The following INSYN2A variants were observed in gnomAD, a reference collection of about 807,000 sequenced individuals.
INSYN2A encodes inhibitory synaptic factor 2A, also known as family with sequence similarity 196 member A.
INSYN2A carries 17 observed loss-of-function variants against 39.4 expected under a neutral mutation model. The observed-to-expected ratio is 0.43, with a 90% CI of 0.30 to 0.65. INSYN2A has a LOEUF of 0.65. INSYN2A is among the 30% of genes least tolerant of loss of function. The probability of loss-of-function intolerance (pLI) is 0.14; values close to 1 mark genes in which losing one functional copy is unlikely to be tolerated. For missense variants in INSYN2A, 595 were observed against 631.2 expected, an observed-to-expected ratio of 0.94 and a Z score of 0.61; for synonymous variants, 255 against 265.7, an observed-to-expected ratio of 0.96 and a Z score of 0.39.
intron 2 of INSYN2A, among the ~76,000 whole-genome samples, chr10:127,177,400 C>T (rs763341196): frequency 6.6e-6 from 1 of 152,232 alleles, no homozygotes; most frequent in Non-Finnish European, 1.5e-5. Context: ...GGCGGATTCA[C>T]AGCTGTTTAT....
At chr10:127,162,116 G>T (rs2053641229) in intron 4 of INSYN2A, among the ~76,000 whole-genome samples, 1 of 152,148 alleles carries the variant, frequency 6.6e-6, no homozygotes, top group African/African-American at 2.4e-5. Flanking sequence ...CTTTTCTCCA[G>T]CTCTTTCGCC....
chr10:127,143,609 C>T (rs941270808), intron 5 of INSYN2A, among the ~76,000 whole-genome samples: 7 of 152,290 alleles, frequency 4.6e-5, no homozygotes, highest in Non-Finnish European at 8.8e-5. Flanking sequence ...GTCCCCAAAG[C>T]ACAACAATTT....
chr10:127,139,194 T>C (rs1024923208), intron 5 of INSYN2A, among the ~76,000 whole-genome samples: 2 of 152,128 alleles, frequency 1.3e-5, no homozygotes, highest in South Asian at 4.2e-4. Context: ...CCGTAAACCA[T>C]TTATAAACAT....
intron 4 of INSYN2A, among the ~76,000 whole-genome samples, chr10:127,154,762 A>G (rs537245774): frequency 6.6e-6 from 1 of 152,242 alleles, no homozygotes; most frequent in Admixed American, 6.5e-5. Flanking sequence ...TCTCCCCCCT[A>G]ATTAAAAAAT....
chr10:127,144,797 A>G (rs2051636833), intron 5 of INSYN2A, among the ~76,000 whole-genome samples: 1 of 152,278 alleles, frequency 6.6e-6, no homozygotes, highest in African/African-American at 2.4e-5. Context: ...CTTTACCACT[A>G]TTTTACATGG....
rs142992122 is a variant in INSYN2A, at chr10:127,162,079, C to T, written c.1185-8156G>A. Reference sequence around the variant, plus strand: ...CTCATGGGTTTCGAGAACGTTAATGCGATTTGATATTGTCTGATTGGTTTC... The same window carrying T: ...CTCATGGGTTTCGAGAACGTTAATGTGATTTGATATTGTCTGATTGGTTTC... On this transcript the variant is annotated intron_variant, in intron 4 of 5. Transcript: ENST00000522781. Among the ~76,000 whole-genome samples the T allele has an allele frequency of 6.3e-3, 958 of 152,246 alleles. 5 individuals are homozygous for T. Among genetic ancestry groups the T allele is most frequent in the Middle Eastern group, 0.014 (4 of 294 alleles).
rs1230812882 is a variant in INSYN2A, at chr10:127,196,346, GAGCC to G, written c.-748_-745del. Among the ~76,000 whole-genome samples, 1 of 148,752 alleles carries G rather than the reference GAGCC, an allele frequency of 6.7e-6. No homozygotes were observed. The highest frequency in any genetic ancestry group is 2.4e-5 in the African/African-American group (1 of 41,128). On this transcript the variant is annotated 5_prime_UTR_variant, in exon 1 of 6. The change abolishes the stop of an existing upstream ORF in the 5' untranslated region. Coordinates refer to ENST00000522781, the MANE Select transcript of INSYN2A (RefSeq NM_001039762.3). ...GCGCTCGCTTGCTCGCGACGCGGCGGAGCCAGCCACAGCCACCCGGCTTCGCGCT... is the reference window on the plus strand; with the variant it reads ...GCGCTCGCTTGCTCGCGACGCGGCGGAGCCACAGCCACCCGGCTTCGCGCT...
intron 5 of INSYN2A, among the ~76,000 whole-genome samples, chr10:127,138,318 C>A (rs2050887766): frequency 6.6e-6 from 1 of 152,046 alleles, no homozygotes; most frequent in African/African-American, 2.4e-5. Context: ...ATGAATAACC[C>A]CATTGTTTGT....
At chr10:127,195,530 C>T (rs542135435) in intron 1 of INSYN2A, among the ~76,000 whole-genome samples, 1 of 152,038 alleles carries the variant, frequency 6.6e-6, no homozygotes, top group Non-Finnish European at 1.5e-5. Context: ...TCATCCCCCC[C>T]CCGAAGTTAA....
intron 2 of INSYN2A, among the ~76,000 whole-genome samples, chr10:127,178,131 T>A (rs1453619540): frequency 2.0e-5 from 3 of 152,158 alleles, no homozygotes; most frequent in African/African-American, 4.8e-5. Flanking sequence ...TAAAAGTAAG[T>A]GACATGACTA....
In INSYN2A at chr10:127,175,514, G is replaced by A. The variant is rs1390647767; in HGVS notation, c.882C>T (p.Leu294=). 2 of 1,609,438 alleles carry A rather than the reference G, an allele frequency of 1.2e-6. No homozygotes were observed. Among genetic ancestry groups the A allele is most frequent in the African/African-American group, 2.7e-5 (2 of 75,044 alleles). The change falls in exon 4 of 6, where the codon CTC becomes CTT. Residue 294 remains leucine, a synonymous_variant. Coordinates refer to ENST00000522781, the MANE Select transcript of INSYN2A (RefSeq NM_001039762.3). The surrounding 1 kb of genome is among the most constrained non-coding windows in gnomAD (Gnocchi z 6.3). The part of the protein sequence containing the change: ...ADDERRRATH[L]NGLQAPSETA... ...TTTCCGAGGGCGCCTGGAGCCCGTT[G>A]AGATGTGTGGCTCTCCTCCGCTCGT... is the stretch of plus-strand genomic sequence containing the variant.
At chr10:127,178,566 T>C (rs993383418) in intron 2 of INSYN2A, among the ~76,000 whole-genome samples, 1 of 152,208 alleles carries the variant, frequency 6.6e-6, no homozygotes, top group Non-Finnish European at 1.5e-5. Flanking sequence ...CACCTCTGGA[T>C]GCCTCGGGCT....
In INSYN2A at chr10:127,146,421, AATAAT is replaced by A. The variant is rs1381702329; in HGVS notation, c.1256+7426_1256+7430del. Among the ~76,000 whole-genome samples the A allele has an allele frequency of 2.0e-5, 3 of 152,314 alleles. No homozygotes were observed. The East Asian group carries it at 5.8e-4, about 29-fold the overall frequency. ...AATCCGTACATATTCGAGGGACATAAATAATATATTTTTGGATTTCAAATAGAAAA... is the reference window on the plus strand; with the variant it reads ...AATCCGTACATATTCGAGGGACATAAATATTTTTGGATTTCAAATAGAAAA... On this transcript the variant is annotated intron_variant, in intron 5 of 5. Transcript: ENST00000522781.
chr10:127,189,919 G>A (rs957119266), intron 2 of INSYN2A, among the ~76,000 whole-genome samples: 1 of 152,160 alleles, frequency 6.6e-6, no homozygotes, highest in African/African-American at 2.4e-5. Context: ...TTGAAGTCAC[G>A]ACGTCAAATT....
rs1592156240 is a variant in INSYN2A, at chr10:127,135,471, C to T, written c.*2366G>A. ...ATTTAAAAATTAATAAAGAACTTAACGACAAGTATAATAATTTAATCTCTA... is the reference window on the plus strand; with the variant it reads ...ATTTAAAAATTAATAAAGAACTTAATGACAAGTATAATAATTTAATCTCTA... On this transcript the variant is annotated 3_prime_UTR_variant, in exon 6 of 6. Coordinates refer to ENST00000522781, the MANE Select transcript of INSYN2A (RefSeq NM_001039762.3). 1 of 152,710 alleles carries T rather than the reference C, an allele frequency of 6.5e-6. No individual in the cohort carries two copies. The highest frequency in any genetic ancestry group is 3.4e-3 in the Middle Eastern group (1 of 294). The allele number at this position is 152,710 out of a possible 1,614,324, so 9.5% of individuals were successfully genotyped here.
In INSYN2A at chr10:127,176,459, G is replaced by A. The variant is rs530492379; in HGVS notation, c.-5-59C>T. 30 of 1,396,668 alleles carry A rather than the reference G, an allele frequency of 2.1e-5. No homozygotes were observed. In the African/African-American group the frequency reaches 2.4e-4, roughly 11 times the overall value. 86.5% of individuals were successfully genotyped at this position (1,396,668 alleles called of 1,614,324 possible). The stretch of plus-strand genomic sequence containing the variant: ...GGACAGAAATACACACTCAAGCACC[G>A]GCCGCACAAACTTTTAGCCACCACG... On this transcript the variant is annotated intron_variant, in intron 3 of 5. Transcript: ENST00000522781. The surrounding 1 kb of genome is among the most constrained non-coding windows in gnomAD (Gnocchi z 4.4).
chr10:127,167,980 A>C (rs2133789748), intron 4 of INSYN2A, among the ~76,000 whole-genome samples: 1 of 152,322 alleles, frequency 6.6e-6, no homozygotes, highest in Admixed American at 6.5e-5. Context: ...GTGCAAACAT[A>C]GCCTGAGGAC....
At position 127,190,664 on chromosome 10, in the gene INSYN2A, TTCCCCCCCC is replaced by T. The variant is rs754412864; in HGVS notation, c.-269+1932_-269+1940del. Among the ~76,000 whole-genome samples the T allele has an allele frequency of 3.5e-3, 54 of 15,224 alleles. 2 individuals are homozygous for T. Among genetic ancestry groups the T allele is most frequent in the South Asian group, 0.016 (5 of 318 alleles). 10.0% of individuals were successfully genotyped at this position (15,224 alleles called of 152,430 possible). ...TCAAATATTTAATAGAAATCCTATC[TTCCCCCCCC>T]CCCCCCCCCCGTTCCTGCTGGCTCC... On this transcript the variant is annotated intron_variant, in intron 2 of 5. Transcript: ENST00000522781.
intron 5 of INSYN2A, among the ~76,000 whole-genome samples, chr10:127,142,657 G>A (rs959916206): frequency 7.2e-5 from 11 of 152,120 alleles, no homozygotes; most frequent in African/African-American, 1.7e-4. Flanking sequence ...GACAAGACAC[G>A]AATTCCTGGG....
Sources: allele counts gnomAD v4.1 joint callset (sites outside exome capture counted in the v4.1 genomes callset), GRCh38; gene constraint gnomAD v4.1.1; non-coding constraint Gnocchi (gnomAD v3.1); transcripts MANE v1.5; gene names NCBI Gene and HGNC (gene_info 2026-07-23, HGNC 2026-07-21).